Variants in FBXO34 observed in about 807,000 individuals in gnomAD.
FBXO34 encodes the protein F-box only protein 34.
FBXO34 carries 12 observed loss-of-function variants against 24.5 expected under a neutral mutation model. The ratio of observed to expected loss-of-function variants is 0.49; its 90% CI spans 0.31 to 0.79. FBXO34 has a LOEUF of 0.79. FBXO34 is among the 30% of genes least tolerant of loss of function. FBXO34 has a pLI of 0.04. For synonymous variants in FBXO34, 320 were observed against 311.9 expected (o/e 1.03, Z -0.27); for missense variants, 823 against 857.7 (o/e 0.96, Z 0.51).
intron 1 of FBXO34, among the ~76,000 whole-genome samples, chr14:55,274,046 C>T (rs1223326659): frequency 6.6e-6 from 1 of 152,226 alleles, no homozygotes; most frequent in African/African-American, 2.4e-5. Flanking sequence ...CCTCGTGATC[C>T]GCCCACCTCA....
At chr14:55,311,227 A>G (rs529703925) in intron 1 of FBXO34, among the ~76,000 whole-genome samples, 1 of 152,318 alleles carries the variant, frequency 6.6e-6, no homozygotes, top group South Asian at 2.1e-4. Context: ...AGGAACTAGC[A>G]AACACAAAAC....
At chr14:55,323,180 G>GTC (rs1883206213) in intron 1 of FBXO34, among the ~76,000 whole-genome samples, 2 of 25,622 alleles carry the variant, frequency 7.8e-5, no homozygotes, top group African/African-American at 4.1e-4. Context: ...GTGAGACTCT[G>GTC]TCTCAAAAAA....
the FBXO34 span, chr14:55,440,298 T>A: frequency 7.7e-6 from 11 of 1,437,682 alleles, no homozygotes; most frequent in East Asian, 9.3e-5. Context: ...CCGCCTCTTA[T>A]GGTCGCTATG....
downstream of FBXO34, chr14:55,355,141 C>G (rs1488193349): frequency 6.6e-6 from 1 of 152,310 alleles, no homozygotes; most frequent in Non-Finnish European, 1.5e-5. Context: ...GCTCCTATTC[C>G]TGGAGTGGTT....
At chr14:55,335,610 T>A (rs1012038227) in intron 1 of FBXO34, among the ~76,000 whole-genome samples, 1 of 152,206 alleles carries the variant, frequency 6.6e-6, no homozygotes, top group Admixed American at 6.5e-5. Flanking sequence ...GTTACATGAG[T>A]GTGCATTTGG....
chr14:55,428,772 G>T, the FBXO34 span: 1 of 1,575,522 alleles, frequency 6.3e-7, no homozygotes, highest in Non-Finnish European at 8.6e-7. Flanking sequence ...AAATATCTTG[G>T]TAAATTCAAA....
the FBXO34 span, among the ~76,000 whole-genome samples, chr14:55,419,091 G>C: frequency 6.6e-6 from 1 of 152,254 alleles, no homozygotes. Flanking sequence ...TCTTTCAGCT[G>C]ACAAGGAGAA....
chr14:55,345,696 A>G (rs1454149185), intron 1 of FBXO34, among the ~76,000 whole-genome samples: 2 of 152,160 alleles, frequency 1.3e-5, no homozygotes, highest in Non-Finnish European at 2.9e-5. Context: ...AGCGGTTAGG[A>G]CATTTCTGAT....
Position 55,271,740 on chromosome 14 carries a change from C to G in FBXO34, c.-11+203C>G, listed in dbSNP as rs1881152527. ...GCGCCTCCTCCGGTGCGGCTCTTTCCGCGCGCACGGCCCGGGCGCTGAGCG... is the reference window on the plus strand; with the variant it reads ...GCGCCTCCTCCGGTGCGGCTCTTTCGGCGCGCACGGCCCGGGCGCTGAGCG... On this transcript the variant is annotated intron_variant, in intron 1 of 1. Coordinates refer to ENST00000313833, the MANE Select transcript of FBXO34 (RefSeq NM_017943.4). The G allele has an allele frequency of 1.3e-5, 2 of 151,618 alleles. 1 individual carries two copies. The highest frequency in any genetic ancestry group is 1.3e-4 in the Admixed American group (2 of 15,230). 9.4% of individuals were successfully genotyped at this position (151,618 alleles called of 1,614,324 possible).
the FBXO34 span, among the ~76,000 whole-genome samples, chr14:55,424,846 A>C: frequency 3.7e-4 from 56 of 152,286 alleles, no homozygotes; most frequent in African/African-American, 1.3e-3. Context: ...CCATGGAGCG[A>C]AAGATGATAG....
chr14:55,332,894 CAG>C (rs1883647630), intron 1 of FBXO34, among the ~76,000 whole-genome samples: 1 of 152,122 alleles, frequency 6.6e-6, no homozygotes, highest in Non-Finnish European at 1.5e-5. Context: ...CACTAGCGGA[CAG>C]AGACTGGGGA....
At chr14:55,414,796 G>T in the FBXO34 span, among the ~76,000 whole-genome samples, 1 of 152,140 alleles carries the variant, frequency 6.6e-6, no homozygotes, top group Admixed American at 6.5e-5. Flanking sequence ...ACCAGCAAAA[G>T]GGACTTCTTT....
chr14:55,312,029 G>A (rs1005645327), intron 1 of FBXO34, among the ~76,000 whole-genome samples: 4 of 151,900 alleles, frequency 2.6e-5, no homozygotes, highest in Admixed American at 6.6e-5. Context: ...GTGAAACTCC[G>A]TTTCTACTAA....
the FBXO34 span, among the ~76,000 whole-genome samples, chr14:55,416,800 A>G: frequency 6.6e-6 from 1 of 152,222 alleles, no homozygotes; most frequent in East Asian, 1.9e-4. Flanking sequence ...GCAAACACAC[A>G]CATGCCCCTC....
At chr14:55,354,188 C>T (rs978534878), downstream of FBXO34, among the ~76,000 whole-genome samples, 5 of 152,180 alleles carry the variant, frequency 3.3e-5, no homozygotes, top group Non-Finnish European at 5.9e-5. Flanking sequence ...ATAGCTTTTC[C>T]TTCAAGAGTG....
chr14:55,412,124 C>T, the FBXO34 span, among the ~76,000 whole-genome samples: 1 of 152,186 alleles, frequency 6.6e-6, no homozygotes, highest in Non-Finnish European at 1.5e-5. Context: ...TAATACCATA[C>T]CCTAAGGATT....
the FBXO34 span, among the ~76,000 whole-genome samples, chr14:55,423,246 G>GA: frequency 7.2e-5 from 11 of 152,210 alleles, no homozygotes; most frequent in Admixed American, 3.9e-4. Context: ...ATTTTGTTTG[G>GA]AATGCTGCCA....
chr14:55,383,152 G>A, the FBXO34 span, among the ~76,000 whole-genome samples: 5 of 152,138 alleles, frequency 3.3e-5, no homozygotes, highest in Admixed American at 3.3e-4. Flanking sequence ...AGGGCCTTAC[G>A]CACGCGTCCC....
At chr14:55,441,728 A>G in the FBXO34 span, among the ~76,000 whole-genome samples, 4 of 152,172 alleles carry the variant, frequency 2.6e-5, no homozygotes, top group African/African-American at 9.7e-5. Flanking sequence ...ATAAGAGCTT[A>G]ACTGTGTAGA....
Sources: allele counts gnomAD v4.1 joint callset (sites outside exome capture counted in the v4.1 genomes callset), GRCh38; gene constraint gnomAD v4.1.1; transcripts MANE v1.5; gene names NCBI Gene and HGNC (gene_info 2026-07-23, HGNC 2026-07-21).